The following MERTK variants were observed in gnomAD, a reference collection of about 807,000 sequenced individuals.
MERTK encodes the protein MER proto-oncogene, tyrosine kinase, also known as tyrosine-protein kinase Mer.
MERTK carries 69 observed loss-of-function variants against 99.3 expected under a neutral mutation model. That is an observed-to-expected ratio of 0.70 (90% confidence interval 0.57 to 0.85). The LOEUF (loss-of-function observed/expected upper bound fraction) is 0.85, where lower values mean the gene tolerates loss of function less well. MERTK is among the 40% of genes least tolerant of loss of function. The pLI is 0.00. For missense variants in MERTK, 1,125 were observed against 1,249.4 expected (o/e 0.90, Z 1.50); for synonymous variants, 426 against 467.6 (o/e 0.91, Z 1.15).
chr2:112,008,778 G>T, intron 14 of MERTK: 3 of 451,178 alleles, frequency 6.6e-6, no homozygotes, highest in Non-Finnish European at 4.1e-6. Context: ...AGAGGTGGTT[G>T]TGTTATAATT....
rs537926582 is a variant in MERTK at position 112,028,931 on chromosome 2, C to T, written c.*67C>T. 1 of 1,606,526 alleles carries T rather than the reference C, an allele frequency of 6.2e-7. No individual in the cohort carries two copies. The highest frequency in any genetic ancestry group is 1.3e-5 in the African/African-American group (1 of 74,808). On this transcript the variant is annotated 3_prime_UTR_variant, in exon 19 of 19. Coordinates refer to ENST00000295408, the MANE Select transcript of MERTK (RefSeq NM_006343.3). ...TCTGCTGTAGGAGAATCCAATTGTACCTGATGTTTTTGGTATTTGTCTTCC... is the reference window on the plus strand; with the variant it reads ...TCTGCTGTAGGAGAATCCAATTGTATCTGATGTTTTTGGTATTTGTCTTCC...
Position 112,003,932 on chromosome 2 carries a change from T to G in MERTK, c.1815T>G (p.Asn605Lys). 1 of 1,613,790 alleles carries G rather than the reference T, an allele frequency of 6.2e-7. No individual in the cohort carries two copies. The highest frequency in any genetic ancestry group is 8.5e-7 in the Non-Finnish European group (1 of 1,179,730). Residue 605 changes from asparagine to lysine, a missense_variant, in exon 13 of 19, where the codon AAT becomes AAG. Coordinates refer to ENST00000295408, the MANE Select transcript of MERTK (RefSeq NM_006343.3). ...EGEFGSVMEG[N>K]LKQEDGTSLK... ...AGTTTGGGTCTGTAATGGAAGGAAA[T>G]CTTAAGCAGGAAGATGGGACCTCTC... is the stretch of plus-strand genomic sequence containing the variant.
intron 8 of MERTK, among the ~76,000 whole-genome samples, chr2:111,984,286 G>A (rs1489529602): frequency 6.6e-6 from 1 of 152,166 alleles, no homozygotes; most frequent in Non-Finnish European, 1.5e-5. Context: ...TGCATTATGA[G>A]TCCCCTGTTT....
chr2:111,950,019 GCTCCAC>G (rs1685027369), intron 4 of MERTK, among the ~76,000 whole-genome samples: 1 of 151,968 alleles, frequency 6.6e-6, no homozygotes, highest in South Asian at 2.1e-4. Flanking sequence ...CTTACTGCAA[GCTCCAC>G]CTCCTGGGTT....
chr2:112,028,791 C>A lies in MERTK; in HGVS notation c.2927C>A (p.Pro976His), dbSNP rs1318674293. 2 of 1,614,054 alleles carry A rather than the reference C, an allele frequency of 1.2e-6. No individual in the cohort carries two copies. The highest frequency in any genetic ancestry group is 8.5e-7 in the Non-Finnish European group (1 of 1,180,018). Residue 976 changes from proline (P) to histidine (H), a missense_variant, in exon 19 of 19, where the codon CCC becomes CAC. Pro to His is a moderately conservative substitution (Grantham distance 77). Coordinates refer to ENST00000295408, the MANE Select transcript of MERTK (RefSeq NM_006343.3). ...TCCTGGTCCCATTCGAGCATGCTGC[C>A]CTTGGGAAGCTCATTGCCCGATGAA... ...GVSWSHSSML[P>H]LGSSLPDELL...
intron 7 of MERTK, among the ~76,000 whole-genome samples, chr2:111,982,236 A>G (rs1405212022): frequency 6.6e-6 from 1 of 151,748 alleles, no homozygotes; most frequent in Non-Finnish European, 1.5e-5. Flanking sequence ...TTTTATTTTT[A>G]GTGGTGATTG....
intron 1 of MERTK, among the ~76,000 whole-genome samples, chr2:111,915,280 G>C (rs13397063): frequency 0.46 from 70,447 of 151,524 alleles, 16,500 homozygotes; most frequent in East Asian, 0.74. Flanking sequence ...TTTTTTCTTT[G>C]TTGGTCTTGT....
At chr2:111,901,376 C>G (rs1027141419) in intron 1 of MERTK, among the ~76,000 whole-genome samples, 1 of 152,048 alleles carries the variant, frequency 6.6e-6, no homozygotes, top group Admixed American at 6.6e-5. Context: ...AACATGTATT[C>G]CAGTATATTG....
At chr2:111,960,497 A>AG (rs1185055299) in intron 4 of MERTK, among the ~76,000 whole-genome samples, 11 of 147,930 alleles carry the variant, frequency 7.4e-5, no homozygotes, top group Non-Finnish European at 1.0e-4. Flanking sequence ...AAAAAAAAAA[A>AG]AAAAGAAAAG....
At chr2:111,950,581 A>G (rs765107719) in intron 4 of MERTK, among the ~76,000 whole-genome samples, 7 of 152,208 alleles carry the variant, frequency 4.6e-5, no homozygotes, top group Non-Finnish European at 8.8e-5. Context: ...AGTCTTCTTA[A>G]GTGTAGACAT....
In MERTK at chr2:111,944,974, A is replaced by G. The variant is rs751775589; in HGVS notation, c.497A>G (p.Gln166Arg). The stretch of plus-strand genomic sequence containing the variant: ...TTTCTTTGCAGCATAACCAGTGTGC[A>G]GCGTTCAGACAATGGGTCGTATATC... ...IIASFSITSV[Q>R]RSDNGSYICK... The change falls in exon 3 of 19, where the codon CAG becomes CGG. Residue 166 changes from glutamine to arginine, a missense_variant. Gln to Arg is a conservative substitution (Grantham distance 43). Transcript: ENST00000295408. The G allele has an allele frequency of 4.3e-6, 7 of 1,613,370 alleles. No individual in the cohort carries two copies. In the Admixed American group the frequency reaches 1.2e-4, roughly 27 times the overall value.
At chr2:111,955,367 T>C (rs1201798001) in intron 4 of MERTK, among the ~76,000 whole-genome samples, 1 of 152,162 alleles carries the variant, frequency 6.6e-6, no homozygotes, top group Non-Finnish European at 1.5e-5. Context: ...TCCATTTAGA[T>C]AACATTCTCA....
At chr2:111,946,613 A>C (rs1684966078) in intron 3 of MERTK, among the ~76,000 whole-genome samples, 1 of 152,210 alleles carries the variant, frequency 6.6e-6, no homozygotes, top group Non-Finnish European at 1.5e-5. Flanking sequence ...GCCTTATACA[A>C]GGCTGTGGAT....
rs1355078369 is a variant in MERTK, at chr2:112,014,674, C to T, written c.2079+4608C>T. Reference sequence around the variant, plus strand: ...TTTTTGAGACAGAGTCTCACTCTGTCACCCAGGCTGGAGTGCAGGGGCACA... The same window carrying T: ...TTTTTGAGACAGAGTCTCACTCTGTTACCCAGGCTGGAGTGCAGGGGCACA... On this transcript the variant is annotated intron_variant, in intron 15 of 18. Coordinates refer to ENST00000295408, the MANE Select transcript of MERTK (RefSeq NM_006343.3). Among the ~76,000 whole-genome samples the T allele has an allele frequency of 4.6e-5, 7 of 151,486 alleles. No homozygotes were observed. The East Asian group carries it at 1.4e-3, about 29-fold the overall frequency.
rs112257146 is a variant in MERTK at position 111,975,306 on chromosome 2, G to A, written c.978G>A (p.Pro326=). 3.3e-5 allele frequency: 53 copies of A among 1,614,046 alleles called. No homozygotes were observed. Among genetic ancestry groups the A allele is most frequent in the East Asian group, 2.7e-4 (12 of 44,904 alleles). Residue 326 remains proline, a synonymous_variant, in exon 7 of 19, where the codon CCG becomes CCA. Transcript: ENST00000295408. ...TCGTTTAGGTCAAGGAAGCTGATCC[G>A]CTGAGTAATGGCTCAGTCATGATTT... ...NCSIQVKEAD[P]LSNGSVMIFN...
intron 1 of MERTK, among the ~76,000 whole-genome samples, chr2:111,927,307 G>A (rs925419831): frequency 6.6e-6 from 1 of 152,220 alleles, no homozygotes; most frequent in African/African-American, 2.4e-5. Flanking sequence ...CCAGACAGGG[G>A]TATGCCCTTC....
At chr2:112,000,379 A>T (rs1256087343) in intron 10 of MERTK, among the ~76,000 whole-genome samples, 1 of 152,176 alleles carries the variant, frequency 6.6e-6, no homozygotes, top group East Asian at 1.9e-4. Context: ...CCCTTCCAGG[A>T]TGCCACATTT....
intron 2 of MERTK, among the ~76,000 whole-genome samples, chr2:111,931,362 C>T (rs1264443140): frequency 1.3e-5 from 2 of 152,164 alleles, no homozygotes; most frequent in African/African-American, 4.8e-5. Flanking sequence ...ATTTTTTCTG[C>T]ATCAACTATA....
chr2:111,984,585 A>T (rs1340983790), intron 8 of MERTK, among the ~76,000 whole-genome samples: 1 of 152,120 alleles, frequency 6.6e-6, no homozygotes, highest in Non-Finnish European at 1.5e-5. Context: ...CTGACCCTAA[A>T]ATGCAGGGCC....
Sources: gnomAD v4.1 joint callset for allele counts (sites outside exome capture counted in the v4.1 genomes callset) on GRCh38, gnomAD v4.1.1 for gene constraint, MANE v1.5 for transcripts, NCBI Gene and HGNC (gene_info 2026-07-23, HGNC 2026-07-21) for gene names.